MEIKIN: variants seen among roughly 807,000 people sequenced by gnomAD.
The protein encoded by MEIKIN is meiosis-specific kinetochore protein.
chr5:131,828,439 C>T (rs1413860331), intron 11 of MEIKIN, among the ~76,000 whole-genome samples: 1 of 152,174 alleles, frequency 6.6e-6, no homozygotes, highest in Non-Finnish European at 1.5e-5. Flanking sequence ...GCTGGGATTA[C>T]AGGCGTGAGC....
At chr5:131,888,852 T>C (rs565994712) in intron 8 of MEIKIN, among the ~76,000 whole-genome samples, 2 of 152,354 alleles carry the variant, frequency 1.3e-5, no homozygotes, top group African/African-American at 4.8e-5. Flanking sequence ...AGGTCTAACA[T>C]GTAAGTCTTT....
chr5:131,850,720 A>G lies in MEIKIN; in HGVS notation c.975+544T>C, dbSNP rs1343731778. ...AAATACAAGACCTAAAACAAAAAAA[A>G]ATTGAAGAAAATACAGGGCAATAGC... is the stretch of plus-strand genomic sequence containing the variant. On this transcript the variant is annotated intron_variant, in intron 11 of 12. Coordinates refer to ENST00000442687, the MANE Select transcript of MEIKIN (RefSeq NM_001303622.2). 1.1e-4 allele frequency among the ~76,000 whole-genome samples: 16 copies of G among 152,180 alleles called. No individual in the cohort carries two copies. The East Asian group carries it at 3.1e-3, about 29-fold the overall frequency.
chr5:131,807,910 A>G (rs1168102677), intron 12 of MEIKIN, among the ~76,000 whole-genome samples: 5 of 152,216 alleles, frequency 3.3e-5, no homozygotes, highest in Non-Finnish European at 7.3e-5. Context: ...TATCTAGGCC[A>G]TCTTCCATAC....
chr5:131,818,404 C>G (rs1773141183), intron 12 of MEIKIN, among the ~76,000 whole-genome samples: 1 of 152,048 alleles, frequency 6.6e-6, no homozygotes, highest in Non-Finnish European at 1.5e-5. Flanking sequence ...GGTTCTTGTT[C>G]TGAAATCTGA....
At chr5:131,920,221 CATAGA>C (rs1751482351) in intron 6 of MEIKIN, among the ~76,000 whole-genome samples, 1 of 151,712 alleles carries the variant, frequency 6.6e-6, no homozygotes, top group African/African-American at 2.4e-5. Context: ...GATTTCAAAC[CATAGA>C]ATAAATATCC....
At chr5:131,892,774 G>C (rs1038925446) in intron 8 of MEIKIN, among the ~76,000 whole-genome samples, 2 of 152,170 alleles carry the variant, frequency 1.3e-5, no homozygotes, top group Non-Finnish European at 2.9e-5. Context: ...GCGTTCCTTT[G>C]GAGGAGGAGA....
At chr5:131,846,505 A>G (rs1286486559) in intron 11 of MEIKIN, among the ~76,000 whole-genome samples, 2 of 152,212 alleles carry the variant, frequency 1.3e-5, no homozygotes, top group Admixed American at 6.5e-5. Context: ...TTTGTAACTC[A>G]TATTTTATTT....
At chr5:131,891,549 T>A (rs1029645840) in intron 8 of MEIKIN, among the ~76,000 whole-genome samples, 4 of 152,200 alleles carry the variant, frequency 2.6e-5, no homozygotes, top group African/African-American at 9.7e-5. Flanking sequence ...CCCCTGCCTT[T>A]TTTTGTTTTC....
At chr5:131,853,084 C>A (rs1031197134) in intron 10 of MEIKIN, among the ~76,000 whole-genome samples, 1 of 152,108 alleles carries the variant, frequency 6.6e-6, no homozygotes, top group Non-Finnish European at 1.5e-5. Flanking sequence ...CCCTAGGAAC[C>A]TGATAAGTGT....
chr5:131,906,512 T>C lies in MEIKIN; in HGVS notation c.703+5303A>G, dbSNP rs550282342. 2.6e-5 allele frequency among the ~76,000 whole-genome samples: 4 copies of C among 151,702 alleles called. No homozygotes were observed. In the South Asian group the frequency reaches 8.4e-4, roughly 32 times the overall value. On this transcript the variant is annotated intron_variant, in intron 8 of 12. Transcript: ENST00000442687. ...CCATTTGACCCAGCAATCCCATTAT[T>C]GGGTATATACCCTAAGGAATATAAC...
chr5:131,918,242 T>C lies in MEIKIN; in HGVS notation c.599-1317A>G, dbSNP rs146882040. ...GAGGAAATGGATCCTACCGATATCATTTGAAACCCTGGATCAAGTTGCATT... is the reference window on the plus strand; with the variant it reads ...GAGGAAATGGATCCTACCGATATCACTTGAAACCCTGGATCAAGTTGCATT... On this transcript the variant is annotated intron_variant, in intron 6 of 12. Transcript: ENST00000442687. Among the ~76,000 whole-genome samples, 973 of 152,336 alleles carry C rather than the reference T, an allele frequency of 6.4e-3. 8 individuals are homozygous for C. Among genetic ancestry groups the C allele is most frequent in the Non-Finnish European group, 0.01 (696 of 68,022 alleles).
At chr5:131,829,572 T>A (rs1422922025) in intron 11 of MEIKIN, among the ~76,000 whole-genome samples, 1 of 152,008 alleles carries the variant, frequency 6.6e-6, no homozygotes, top group Non-Finnish European at 1.5e-5. Context: ...ATATAGGCAA[T>A]CGGCAAAGAG....
intron 11 of MEIKIN, among the ~76,000 whole-genome samples, chr5:131,844,173 T>C (rs1316594407): frequency 6.6e-6 from 1 of 152,116 alleles, no homozygotes; most frequent in Middle Eastern, 3.2e-3. Flanking sequence ...ACTGCCCCCA[T>C]GATTCAATCA....
intron 8 of MEIKIN, among the ~76,000 whole-genome samples, chr5:131,895,347 CTCT>C (rs1164184582): frequency 1.3e-5 from 2 of 152,140 alleles, no homozygotes; most frequent in Non-Finnish European, 2.9e-5. Context: ...GTCTAAAATT[CTCT>C]TTTTTCATTG....
chr5:131,870,234 T>A (rs1750462799), intron 9 of MEIKIN, among the ~76,000 whole-genome samples: 1 of 152,188 alleles, frequency 6.6e-6, no homozygotes, highest in African/African-American at 2.4e-5. Context: ...ATGTAAATAA[T>A]CAAAAATAAC....
intron 10 of MEIKIN, among the ~76,000 whole-genome samples, chr5:131,852,446 T>C (rs1750131121): frequency 6.6e-6 from 1 of 152,186 alleles, no homozygotes; most frequent in African/African-American, 2.4e-5. Context: ...GGTATGTCTT[T>C]ATAGCAGTGT....
At chr5:131,890,764 G>A (rs1388269356) in intron 8 of MEIKIN, among the ~76,000 whole-genome samples, 1 of 152,142 alleles carries the variant, frequency 6.6e-6, no homozygotes, top group African/African-American at 2.4e-5. Flanking sequence ...TCTAGCTTTT[G>A]AATGTGTTTG....
At chr5:131,837,489 G>A (rs1749830464) in intron 11 of MEIKIN, among the ~76,000 whole-genome samples, 2 of 152,136 alleles carry the variant, frequency 1.3e-5, no homozygotes, top group South Asian at 4.1e-4. Flanking sequence ...CTATTCATGA[G>A]CATGGGATGT....
At chr5:131,917,409 C>G (rs1308353284) in intron 6 of MEIKIN, among the ~76,000 whole-genome samples, 4 of 151,646 alleles carry the variant, frequency 2.6e-5, no homozygotes, top group African/African-American at 9.7e-5. Context: ...CTACTAAAAA[C>G]ACAAAAATTA....
Sources: gnomAD v4.1 joint callset for allele counts (sites outside exome capture counted in the v4.1 genomes callset) on GRCh38, gnomAD v4.1.1 for gene constraint, MANE v1.5 for transcripts, NCBI Gene and HGNC (gene_info 2026-07-23, HGNC 2026-07-21) for gene names.